The following GRM8 variants were observed in gnomAD, a reference collection of about 807,000 sequenced individuals.
GRM8 encodes the protein metabotropic glutamate receptor 8.
A neutral mutation model predicts 87.2 loss-of-function variants in GRM8; 47 were observed. The observed-to-expected ratio is 0.54, with a 90% CI of 0.43 to 0.69. The LOEUF (loss-of-function observed/expected upper bound fraction) is 0.69. Among genes scored for constraint, GRM8 ranks in the 30% least tolerant of loss-of-function variants. The pLI, the probability that GRM8 is intolerant of heterozygous loss-of-function variation, is 0.00. For synonymous variants in GRM8, 396 were observed against 404.5 expected (o/e 0.98, Z 0.25); for missense variants, 1,019 against 1,139.2 (o/e 0.89, Z 1.52).
intron 3 of GRM8, among the ~76,000 whole-genome samples, chr7:126,956,582 C>T (rs1398917017): frequency 6.6e-6 from 1 of 152,108 alleles, no homozygotes; most frequent in Non-Finnish European, 1.5e-5. Flanking sequence ...TGTGCTGCAC[C>T]CATTAACTCG....
chr7:126,901,446 C>T (rs377266927), intron 6 of GRM8, among the ~76,000 whole-genome samples: 2 of 152,180 alleles, frequency 1.3e-5, no homozygotes, highest in Non-Finnish European at 1.5e-5. Flanking sequence ...AATGTAAGCC[C>T]GTGAGCATGA....
Position 127,136,523 on chromosome 7 carries a change from G to A in GRM8, c.511-29811C>T, listed in dbSNP as rs17868699. Among the ~76,000 whole-genome samples the A allele has an allele frequency of 2.2e-4, 33 of 152,158 alleles. No individual in the cohort carries two copies. The East Asian group carries it at 2.9e-3, about 13-fold the overall frequency. On this transcript the variant is annotated intron_variant, in intron 2 of 10. Transcript: ENST00000339582. The stretch of plus-strand genomic sequence containing the variant: ...TGAAGATATTTAAAACATAAATTTA[G>A]TAGGTTGTGACAGATCAGAGACTTC...
intron 2 of GRM8, among the ~76,000 whole-genome samples, chr7:127,121,613 G>A (rs1258508702): frequency 3.3e-5 from 5 of 152,126 alleles, no homozygotes; most frequent in African/African-American, 7.2e-5. Context: ...CAGTTCTGCA[G>A]GCTGTACAGG....
chr7:126,625,541 T>C (rs1800589065), intron 7 of GRM8, among the ~76,000 whole-genome samples: 1 of 152,124 alleles, frequency 6.6e-6, no homozygotes. Context: ...ATTTCTCCTG[T>C]GGAAATGTCT....
At chr7:126,445,136 G>A (rs1801877980) in intron 10 of GRM8, 1 of 152,210 alleles carries the variant, frequency 6.6e-6, no homozygotes, top group Non-Finnish European at 1.5e-5. Context: ...CTGCACTCCA[G>A]TCTGGGCAAC....
chr7:126,903,914 T>C, intron 5 of GRM8, 58 bp downstream of exon 5: 1 of 1,017,752 alleles, frequency 9.8e-7, no homozygotes, highest in Middle Eastern at 2.6e-4. Flanking sequence ...TACTCCAGTT[T>C]TGCCTTTGAG....
chr7:126,925,428 G>T (rs1301722284), intron 3 of GRM8, among the ~76,000 whole-genome samples: 1 of 152,102 alleles, frequency 6.6e-6, no homozygotes, highest in Non-Finnish European at 1.5e-5. Context: ...GAAAGCTGAA[G>T]ATCTAAACAA....
chr7:127,223,912 T>A, intron 2 of GRM8, among the ~76,000 whole-genome samples: 14 of 48,056 alleles, frequency 2.9e-4, no homozygotes, highest in South Asian at 1.4e-3. Flanking sequence ...ATAAATGAAA[T>A]GTAAAAAAAA....
chr7:127,086,170 G>T (rs186628479), intron 3 of GRM8, among the ~76,000 whole-genome samples: 3 of 152,030 alleles, frequency 2.0e-5, no homozygotes, highest in African/African-American at 7.2e-5. Context: ...GCATGATCTC[G>T]GCTCACTGCA....
intron 3 of GRM8, among the ~76,000 whole-genome samples, chr7:126,949,860 C>T (rs1807944159): frequency 6.6e-6 from 1 of 152,166 alleles, no homozygotes; most frequent in African/African-American, 2.4e-5. Context: ...TTCTTCAAAA[C>T]TGTGAAACTT....
At chr7:126,629,445 C>G (rs936577309) in intron 7 of GRM8, among the ~76,000 whole-genome samples, 4 of 151,994 alleles carry the variant, frequency 2.6e-5, no homozygotes, top group African/African-American at 9.7e-5. Flanking sequence ...GTTCTTTTAT[C>G]TTGGGTTATG....
At chr7:126,777,425 C>G (rs938426707) in intron 6 of GRM8, among the ~76,000 whole-genome samples, 5 of 152,126 alleles carry the variant, frequency 3.3e-5, no homozygotes, top group Non-Finnish European at 5.9e-5. Context: ...CTACGTGACT[C>G]AAAACCTCTG....
intron 2 of GRM8, among the ~76,000 whole-genome samples, chr7:127,190,718 C>T (rs753190633): frequency 5.9e-5 from 9 of 152,058 alleles, no homozygotes; most frequent in African/African-American, 9.7e-5. Flanking sequence ...AAAGATGGAA[C>T]CCATGCATAT....
At chr7:126,855,444 T>C (rs1243592501) in intron 6 of GRM8, among the ~76,000 whole-genome samples, 2 of 151,670 alleles carry the variant, frequency 1.3e-5, no homozygotes. Flanking sequence ...AGAACCAGAA[T>C]TTGTAAAGGG....
At chr7:126,490,468 G>C (rs10251662) in intron 9 of GRM8, among the ~76,000 whole-genome samples, 6,288 of 152,064 alleles carry the variant, frequency 0.041, 400 homozygotes, top group African/African-American at 0.14. Context: ...GACAAAAAAG[G>C]GTATTAATAA....
intron 9 of GRM8, among the ~76,000 whole-genome samples, chr7:126,524,034 AGG>A (rs1813451600): frequency 6.6e-6 from 1 of 152,192 alleles, no homozygotes; most frequent in Non-Finnish European, 1.5e-5. Context: ...AGATTCATTC[AGG>A]TAGCATAACT....
intron 2 of GRM8, among the ~76,000 whole-genome samples, chr7:127,157,830 G>A (rs943145165): frequency 6.6e-6 from 1 of 152,046 alleles, no homozygotes; most frequent in African/African-American, 2.4e-5. Flanking sequence ...ACTTAACAAG[G>A]TTACACACAT....
At chr7:126,861,603 A>C (rs920992750) in intron 6 of GRM8, among the ~76,000 whole-genome samples, 1 of 151,910 alleles carries the variant, frequency 6.6e-6, no homozygotes, top group Non-Finnish European at 1.5e-5. Flanking sequence ...TGAGACATAA[A>C]ATTTTATGCC....
intron 2 of GRM8, among the ~76,000 whole-genome samples, chr7:127,155,795 A>C (rs1470420206): frequency 1.3e-5 from 2 of 152,166 alleles, no homozygotes; most frequent in African/African-American, 4.8e-5. Context: ...GAAGTAGAGA[A>C]AGACAATGAA....
Sources: gnomAD v4.1 joint callset for allele counts (sites outside exome capture counted in the v4.1 genomes callset) on GRCh38, gnomAD v4.1.1 for gene constraint, MANE v1.5 for transcripts, NCBI Gene and HGNC (gene_info 2026-07-23, HGNC 2026-07-21) for gene names.